The following RAB11FIP4 variants were observed in gnomAD, a reference collection of about 807,000 sequenced individuals.
The protein encoded by RAB11FIP4 is rab11 family-interacting protein 4.
In RAB11FIP4, 23 loss-of-function variants were observed where a neutral mutation model predicts 74.3. That is an observed-to-expected ratio of 0.31 (90% confidence interval 0.22 to 0.44). The LOEUF (loss-of-function observed/expected upper bound fraction) is 0.44. Ranked by LOEUF, RAB11FIP4 falls within the 20% of genes least tolerant of loss-of-function variation. The pLI is 1.00. For missense variants in RAB11FIP4, 630 were observed against 863.9 expected (o/e 0.73, Z 3.39); for synonymous variants, 360 against 359.9 (o/e 1.00, Z 0.00).
At chr17:31,469,481 G>A (rs2142726888) in intron 3 of RAB11FIP4, among the ~76,000 whole-genome samples, 1 of 152,180 alleles carries the variant, frequency 6.6e-6, no homozygotes, top group Middle Eastern at 3.4e-3. Flanking sequence ...AAAAAAATGA[G>A]CTAGGCATGG....
At chr17:31,462,928 G>A (rs9893411) in intron 3 of RAB11FIP4, among the ~76,000 whole-genome samples, 2,817 of 152,156 alleles carry the variant, frequency 0.019, 93 homozygotes, top group African/African-American at 0.065. Context: ...GAGCCACCGC[G>A]CCCAGCCTCA....
intron 3 of RAB11FIP4, among the ~76,000 whole-genome samples, chr17:31,483,030 T>C (rs1021051233): frequency 1.3e-5 from 2 of 151,604 alleles, no homozygotes; most frequent in African/African-American, 4.8e-5. Context: ...CCGTCTCTAC[T>C]AAAAATACAA....
At chr17:31,481,912 G>C (rs184117381) in intron 3 of RAB11FIP4, among the ~76,000 whole-genome samples, 1 of 152,292 alleles carries the variant, frequency 6.6e-6, no homozygotes, top group East Asian at 1.9e-4. Flanking sequence ...CATCCAGCCA[G>C]ATGTTACAAG....
At position 31,528,635 on chromosome 17, in the gene RAB11FIP4, C is replaced by T. The variant is rs371372154; in HGVS notation, c.1510C>T (p.Arg504Trp). ...TCCCTCGCAGCTCATCGAGGACTTG[C>T]GGAAGGAGCTGGAGCACCTGCAGAT... ...EATQELIEDLRKELEHLQMYK... is the reference protein window; with the variant it reads ...EATQELIEDLWKELEHLQMYK... The change falls in exon 13 of 15, where the codon CGG becomes TGG. Residue 504 changes from arginine (R) to tryptophan (W), a missense_variant. Coordinates refer to ENST00000621161, the MANE Select transcript of RAB11FIP4 (RefSeq NM_032932.6). 4.3e-6 allele frequency: 7 copies of T among 1,613,284 alleles called. No individual in the cohort carries two copies. Among genetic ancestry groups the T allele is most frequent in the Middle Eastern group, 1.6e-4 (1 of 6,072 alleles).
chr17:31,466,624 C>T (rs1490560666), intron 3 of RAB11FIP4, among the ~76,000 whole-genome samples: 2 of 152,170 alleles, frequency 1.3e-5, no homozygotes, highest in African/African-American at 2.4e-5. Flanking sequence ...CGTCTACCGC[C>T]TTCCAGTGCC....
intron 1 of RAB11FIP4, among the ~76,000 whole-genome samples, chr17:31,401,200 A>T (rs1300031126): frequency 6.6e-6 from 1 of 151,630 alleles, no homozygotes; most frequent in East Asian, 1.9e-4. Context: ...TGAACCCGGG[A>T]GGTGGAGCTT....
intron 3 of RAB11FIP4, among the ~76,000 whole-genome samples, chr17:31,491,680 TGGG>T (rs1198355219): frequency 6.6e-6 from 1 of 152,056 alleles, no homozygotes; most frequent in Non-Finnish European, 1.5e-5. Context: ...CTCAGAGAGA[TGGG>T]GGACCACCCA....
intron 3 of RAB11FIP4, chr17:31,465,891 T>C (rs2071680816): frequency 6.6e-6 from 1 of 150,968 alleles, no homozygotes; most frequent in African/African-American, 2.4e-5. Context: ...TCCCAGCACT[T>C]TGGGAGGCCG....
At chr17:31,459,733 C>G (rs550373963) in intron 3 of RAB11FIP4, among the ~76,000 whole-genome samples, 86 of 152,114 alleles carry the variant, frequency 5.7e-4, no homozygotes, top group African/African-American at 2.1e-3. Context: ...CACCCAGAAG[C>G]TTTTCCAGCC....
At position 31,437,417 on chromosome 17, in the gene RAB11FIP4, C is replaced by T. The variant is rs529731119; in HGVS notation, c.336+3295C>T. 2.0e-5 allele frequency among the ~76,000 whole-genome samples: 3 copies of T among 152,216 alleles called. No individual in the cohort carries two copies. The East Asian group carries it at 5.8e-4, about 29-fold the overall frequency. On this transcript the variant is annotated intron_variant, in intron 3 of 14. Transcript: ENST00000621161. ...CTGGGCAGGTCCGAATTTCTCAGGC[C>T]CGGCTCTCTGCGCCCTGCTGTGTCT... is the stretch of plus-strand genomic sequence containing the variant.
chr17:31,480,398 T>G (rs757773836), intron 3 of RAB11FIP4, among the ~76,000 whole-genome samples: 1 of 152,020 alleles, frequency 6.6e-6, no homozygotes. Flanking sequence ...AAAGGCTGTT[T>G]TGGCCAGAGA....
intron 3 of RAB11FIP4, among the ~76,000 whole-genome samples, chr17:31,504,325 G>A (rs1342437339): frequency 2.0e-5 from 3 of 151,924 alleles, no homozygotes; most frequent in African/African-American, 7.3e-5. Context: ...TAGAGATGGG[G>A]TTTCACTGTG....
At chr17:31,414,439 C>T (rs1220048095) in intron 1 of RAB11FIP4, among the ~76,000 whole-genome samples, 1 of 152,210 alleles carries the variant, frequency 6.6e-6, no homozygotes, top group Non-Finnish European at 1.5e-5. Context: ...AGAGGCCAGT[C>T]CACTTCAGAG....
At chr17:31,406,512 T>G (rs2071042969) in intron 1 of RAB11FIP4, among the ~76,000 whole-genome samples, 1 of 152,278 alleles carries the variant, frequency 6.6e-6, no homozygotes, top group Non-Finnish European at 1.5e-5. Context: ...ACGAGGGTGC[T>G]GTTTCTGCAC....
chr17:31,468,826 C>G (rs1409735205), intron 3 of RAB11FIP4, among the ~76,000 whole-genome samples: 2 of 100,702 alleles, frequency 2.0e-5, no homozygotes, highest in African/African-American at 2.9e-5. Flanking sequence ...AAGACTCTGT[C>G]TCAAAAAAAA....
chr17:31,497,839 G>T (rs1472668530), intron 3 of RAB11FIP4, among the ~76,000 whole-genome samples: 1 of 152,154 alleles, frequency 6.6e-6, no homozygotes, highest in Non-Finnish European at 1.5e-5. Flanking sequence ...TTTCCTTGGA[G>T]ATCTTCTCTC....
At chr17:31,525,422 T>C (rs1438306499) in intron 10 of RAB11FIP4, 192 bp downstream of exon 10, 1 of 617,664 alleles carries the variant, frequency 1.6e-6, no homozygotes, top group Non-Finnish European at 2.8e-6. Context: ...GGAAGTTCGC[T>C]AAGGAATGTT....
rs61393689 is a variant in RAB11FIP4 at position 31,445,578 on chromosome 17, ATTTTTTTTTTTTT to A, written c.336+11469_336+11481del. Among the ~76,000 whole-genome samples the A allele has an allele frequency of 6.1e-4, 10 of 16,276 alleles. No homozygotes were observed. The East Asian group carries it at 6.4e-3, about 10-fold the overall frequency. 10.7% of individuals were successfully genotyped at this position (16,276 alleles called of 152,430 possible). ...TATATATATATATATATATATATAT[ATTTTTTTTTTTTT>A]TTTTTTTTTTTTGACACGGAGTCTT... On this transcript the variant is annotated intron_variant, in intron 3 of 14. Coordinates refer to ENST00000621161, the MANE Select transcript of RAB11FIP4 (RefSeq NM_032932.6).
intron 1 of RAB11FIP4, 153 bp downstream of exon 1, chr17:31,392,164 C>A (rs942384324): frequency 1.6e-5 from 9 of 571,240 alleles, no homozygotes; most frequent in Non-Finnish European, 2.0e-5. Flanking sequence ...CTCGGCCCCC[C>A]CCGGGTATCC....
Sources: gnomAD v4.1 joint callset for allele counts (sites outside exome capture counted in the v4.1 genomes callset) on GRCh38, gnomAD v4.1.1 for gene constraint, MANE v1.5 for transcripts, NCBI Gene and HGNC (gene_info 2026-07-23, HGNC 2026-07-21) for gene names.